Variants in EPHA5 observed in about 807,000 individuals in gnomAD.
The protein encoded by EPHA5 is ephrin type-A receptor 5.
A neutral mutation model predicts 105.0 loss-of-function variants in EPHA5; 60 were observed. That is an observed-to-expected ratio of 0.57 (90% confidence interval 0.46 to 0.71). EPHA5 has a LOEUF of 0.71. Ranked by LOEUF, EPHA5 falls within the 30% of genes least tolerant of loss-of-function variation. The pLI, the probability that EPHA5 is intolerant of heterozygous loss-of-function variation, is 0.00. For missense variants in EPHA5, 1,218 were observed against 1,274.7 expected, an observed-to-expected ratio of 0.96 and a Z score of 0.68; for synonymous variants, 513 against 449.1, an observed-to-expected ratio of 1.14 and a Z score of -1.80.
chr4:65,578,345 C>T (rs1741273631), intron 3 of EPHA5, among the ~76,000 whole-genome samples: 1 of 152,064 alleles, frequency 6.6e-6, no homozygotes, highest in Non-Finnish European at 1.5e-5. Context: ...ATGGGTTTTC[C>T]ATCTCGTTTT....
chr4:65,658,260 C>T (rs557391019), intron 1 of EPHA5, among the ~76,000 whole-genome samples: 118 of 152,072 alleles, frequency 7.8e-4, no homozygotes, highest in African/African-American at 2.7e-3. Context: ...AGTTCTTCAC[C>T]GCAGGAGCTT....
chr4:65,625,891 C>A (rs761582347), intron 2 of EPHA5, among the ~76,000 whole-genome samples: 10 of 152,046 alleles, frequency 6.6e-5, no homozygotes, highest in Non-Finnish European at 1.3e-4. Context: ...GCGGGAGGAT[C>A]ATGAGGTCAG....
chr4:65,374,178 A>C (rs1197704578), intron 8 of EPHA5, among the ~76,000 whole-genome samples: 1 of 151,974 alleles, frequency 6.6e-6, no homozygotes, highest in Non-Finnish European at 1.5e-5. Context: ...GGCAACTTAA[A>C]CAATACCTTT....
At chr4:65,583,781 A>G (rs748690549) in intron 3 of EPHA5, among the ~76,000 whole-genome samples, 1 of 151,854 alleles carries the variant, frequency 6.6e-6, no homozygotes, top group Non-Finnish European at 1.5e-5. Context: ...TGTTTTTCAC[A>G]TAAAATCATG....
intron 1 of EPHA5, among the ~76,000 whole-genome samples, chr4:65,653,680 G>A (rs190297455): frequency 1.3e-5 from 2 of 152,080 alleles, no homozygotes; most frequent in Non-Finnish European, 2.9e-5. Context: ...GTCACAAAAT[G>A]ACTGCAGTAG....
At chr4:65,629,122 A>T (rs1436152443) in intron 2 of EPHA5, among the ~76,000 whole-genome samples, 1 of 152,226 alleles carries the variant, frequency 6.6e-6, no homozygotes, top group Non-Finnish European at 1.5e-5. Flanking sequence ...AATAACATAA[A>T]TAAATTCCAC....
At chr4:65,391,271 C>A (rs549064291) in intron 8 of EPHA5, among the ~76,000 whole-genome samples, 1 of 152,104 alleles carries the variant, frequency 6.6e-6, no homozygotes, top group Admixed American at 6.6e-5. Flanking sequence ...ATAGAATATG[C>A]TTTTTATCAC....
chr4:65,468,824 T>C (rs1729013263), intron 5 of EPHA5, among the ~76,000 whole-genome samples: 1 of 151,266 alleles, frequency 6.6e-6, no homozygotes, highest in African/African-American at 2.4e-5. Flanking sequence ...ACAAAAATAC[T>C]GCATGTGGGC....
At chr4:65,654,721 T>C (rs1446170847) in intron 1 of EPHA5, among the ~76,000 whole-genome samples, 1 of 147,350 alleles carries the variant, frequency 6.8e-6, no homozygotes, top group Non-Finnish European at 1.5e-5. Context: ...AAATATATTT[T>C]TATATATAAC....
chr4:65,411,981 C>A (rs1722954178), intron 7 of EPHA5, among the ~76,000 whole-genome samples: 1 of 152,148 alleles, frequency 6.6e-6, no homozygotes, highest in Non-Finnish European at 1.5e-5. Flanking sequence ...GTAATCCCAG[C>A]ACTTTGGGAG....
At chr4:65,558,033 C>A (rs774747014) in intron 3 of EPHA5, among the ~76,000 whole-genome samples, 7 of 152,144 alleles carry the variant, frequency 4.6e-5, no homozygotes, top group Non-Finnish European at 4.4e-5. Context: ...GGTGCCACCA[C>A]ACCCAGCTAA....
At chr4:65,478,527 A>G (rs1730050915) in intron 5 of EPHA5, among the ~76,000 whole-genome samples, 1 of 152,090 alleles carries the variant, frequency 6.6e-6, no homozygotes, top group African/African-American at 2.4e-5. Flanking sequence ...GCCAGAATGC[A>G]GTGGCACAAC....
At chr4:65,550,214 G>T (rs1388909582) in intron 3 of EPHA5, among the ~76,000 whole-genome samples, 2 of 151,758 alleles carry the variant, frequency 1.3e-5, no homozygotes, top group Non-Finnish European at 2.9e-5. Flanking sequence ...ATTATGTAAT[G>T]ATTACATTTA....
In EPHA5 at chr4:65,504,212, A is replaced by G. The variant is rs573732925; in HGVS notation, c.911-8669T>C. ...TTCCCATAATTCAGAGAAAGAGATT[A>G]TTACCTCATTTAGTATTCCAAAAAT... On this transcript the variant is annotated intron_variant, in intron 3 of 16. Transcript: ENST00000613740. Among the ~76,000 whole-genome samples the G allele has an allele frequency of 4.6e-5, 7 of 151,494 alleles. No individual in the cohort carries two copies. The East Asian group carries it at 1.2e-3, about 25-fold the overall frequency.
chr4:65,378,001 C>G (rs1392122147), intron 8 of EPHA5, among the ~76,000 whole-genome samples: 10 of 151,720 alleles, frequency 6.6e-5, no homozygotes. Context: ...ACTTTCATTT[C>G]TAGAAATGTA....
intron 1 of EPHA5, among the ~76,000 whole-genome samples, chr4:65,662,203 C>T (rs1353046265): frequency 2.0e-5 from 3 of 152,014 alleles, no homozygotes; most frequent in Non-Finnish European, 4.4e-5. Flanking sequence ...AAAGACATTA[C>T]CCATCTCTGA....
At position 65,669,624 on chromosome 4, in the gene EPHA5, AG is replaced by A; in HGVS notation, c.118del (p.Leu40SerfsTer22). ...GGCGCACAGGAGAAGGCACGTCCAG[AG>A]GGGAGCCCGTCGAGGTGCAGAGTAG... ...GCYSAPRRAP[L>X]WTCLLLCAAL... On this transcript the variant is annotated frameshift_variant, in exon 1 of 17. Transcript: ENST00000613740. LOFTEE classifies it high-confidence loss of function. The A allele has an allele frequency of 7.0e-7, 1 of 1,419,846 alleles. No individual in the cohort carries two copies. The highest frequency in any genetic ancestry group is 9.3e-7 in the Non-Finnish European group (1 of 1,080,740). 88.0% of individuals were successfully genotyped at this position (1,419,846 alleles called of 1,614,324 possible). A position where few individuals can be genotyped will look rare whatever the true frequency, so the allele number is the denominator to read the frequency against.
chr4:65,362,862 T>C (rs953303964), intron 11 of EPHA5, among the ~76,000 whole-genome samples: 1 of 151,698 alleles, frequency 6.6e-6, no homozygotes, highest in African/African-American at 2.4e-5. Flanking sequence ...GGAACATACA[T>C]TTTTTAGCTA....
At chr4:65,625,647 C>T (rs986453994) in intron 2 of EPHA5, among the ~76,000 whole-genome samples, 4 of 152,118 alleles carry the variant, frequency 2.6e-5, no homozygotes, top group Non-Finnish European at 5.9e-5. Flanking sequence ...ACTAAAAAAT[C>T]TCCTTGTCAC....
Sources: gnomAD v4.1 joint callset for allele counts (sites outside exome capture counted in the v4.1 genomes callset) on GRCh38, gnomAD v4.1.1 for gene constraint, MANE v1.5 for transcripts, NCBI Gene and HGNC (gene_info 2026-07-23, HGNC 2026-07-21) for gene names.